Variants in SLC35A2 observed in about 807,000 individuals in gnomAD.
SLC35A2 encodes the protein solute carrier family 35 member A2, also known as UDP-galactose translocator.
A neutral mutation model predicts 17.3 loss-of-function variants in SLC35A2; 1 was observed. The observed-to-expected ratio is 0.06, with a 90% CI of 0.02 to 0.27. SLC35A2 has a LOEUF of 0.27. Among genes scored for constraint, SLC35A2 ranks in the 10% least tolerant of loss-of-function variants. The pLI, the probability that SLC35A2 is intolerant of heterozygous loss-of-function variation, is 1.00. For missense variants in SLC35A2, 191 were observed against 339.3 expected (o/e 0.56, Z 3.43); for synonymous variants, 161 against 161.3 (o/e 1.00, Z 0.01).
Position 48,907,507 on chromosome X carries a change from A to G in SLC35A2, c.275-964T>C, listed in dbSNP as rs782208540. 1.0e-3 allele frequency among the ~76,000 whole-genome samples: 116 copies of G among 111,457 alleles called. 1 individual carries two copies. The highest frequency in any genetic ancestry group is 1.0e-3 in the Non-Finnish European group (54 of 52,995). The stretch of plus-strand genomic sequence containing the variant: ...CGTGATCCGCCTACCTCGGCCTCCC[A>G]AAGTTCTGGGATTACAGGTGTAAGC... On this transcript the variant is annotated intron_variant, in intron 2 of 4. Transcript: ENST00000247138.
intron 2 of SLC35A2, among the ~76,000 whole-genome samples, chrX:48,907,200 C>T (rs992535246): frequency 1.8e-5 from 2 of 108,315 alleles, no homozygotes; most frequent in Non-Finnish European, 3.8e-5. Flanking sequence ...AAGAAATAAC[C>T]ATCATTAACT....
intron 2 of SLC35A2, among the ~76,000 whole-genome samples, chrX:48,908,433 G>A (rs1557043432): frequency 9.0e-6 from 1 of 110,960 alleles, no homozygotes; most frequent in African/African-American, 3.3e-5. Flanking sequence ...CATCTTTTAA[G>A]TCACAGCTGG....
At chrX:48,906,023 G>A (rs1031383170) in intron 3 of SLC35A2, 8 of 374,993 alleles carry the variant, frequency 2.1e-5, no homozygotes, top group African/African-American at 7.7e-5. Context: ...GTTAGGTGAC[G>A]TGCCCCAAAA....
Position 48,905,240 on chromosome X carries a change from G to A in SLC35A2, c.669C>T (p.Ile223=), listed in dbSNP as rs782366065. ...ACACGGAGCCTGAGCTGCCTTTGAG[G>A]ATCTTCTCAAAGTAGACACCTGCGA... ...SGFAGVYFEK[I]LKGSSGSVWL... The change falls in exon 4 of 5, where the codon ATC becomes ATT. Residue 223 remains isoleucine (I), a synonymous_variant. Transcript: ENST00000247138. 12 of 1,206,576 alleles carry A rather than the reference G, an allele frequency of 9.9e-6. No homozygotes were observed. The highest frequency in any genetic ancestry group is 1.2e-5 in the Non-Finnish European group (11 of 892,949).
At chrX:48,910,388 G>T in intron 1 of SLC35A2, 1 of 731,923 alleles carries the variant, frequency 1.4e-6, no homozygotes, top group Non-Finnish European at 1.9e-6. Context: ...CCTATCACTG[G>T]GTTAAGGGAT....
rs781919570 is a variant in SLC35A2, at chrX:48,909,806, G to A, written c.274+8C>T. On this transcript the variant is annotated splice_region_variant and intron_variant, in intron 2 of 4. Coordinates refer to ENST00000247138, the MANE Select transcript of SLC35A2 (RefSeq NM_005660.3). ...CGACCCCAGTGCAGCCCCATCCCTG[G>A]TTCGTACCCCTCTTCTGTGCGAAGA... 8.3e-7 allele frequency: 1 copy of A among 1,201,652 alleles called. No individual in the cohort carries two copies. Among genetic ancestry groups the A allele is most frequent in the Non-Finnish European group, 1.1e-6 (1 of 888,635 alleles).
intron 1 of SLC35A2, chrX:48,910,363 AGTGTTTACTGTATGCCTATCACTGG>A: frequency 1.1e-6 from 1 of 920,295 alleles, no homozygotes; most frequent in Admixed American, 3.2e-5. Context: ...ACGTTTATTG[AGTGTTTACTGTATGCCTATCACTGG>A]GTTAAGGGAT....
chrX:48,911,418 G>A, intron 1 of SLC35A2, 128 bp downstream of exon 1: 12 of 753,576 alleles, frequency 1.6e-5, no homozygotes, highest in Non-Finnish European at 2.1e-5. Flanking sequence ...CTGACAATGT[G>A]CACACACACA....
chrX:48,910,550 C>T (rs1171185732), intron 1 of SLC35A2, among the ~76,000 whole-genome samples: 5 of 111,342 alleles, frequency 4.5e-5, no homozygotes, highest in African/African-American at 6.5e-5. Context: ...CACATCAATG[C>T]AGGGAATGAG....
At chrX:48,911,739 G>T (rs1258246244), upstream of SLC35A2, 6 of 1,156,086 alleles carry the variant, frequency 5.2e-6, no homozygotes, top group Non-Finnish European at 6.9e-6. Context: ...CGAGAGCCGG[G>T]ATCGTCAGGG....
intron 4 of SLC35A2, 157 bp downstream of exon 4, chrX:48,904,589 C>T: frequency 8.3e-7 from 1 of 1,200,751 alleles, no homozygotes; most frequent in East Asian, 3.0e-5. Context: ...CTCCAGAAGT[C>T]TCAGTGACCT....
At chrX:48,904,685 C>A in intron 4 of SLC35A2, 61 bp downstream of exon 4, 1 of 1,210,083 alleles carries the variant, frequency 8.3e-7, no homozygotes, top group South Asian at 1.8e-5. Flanking sequence ...ACACCCTCCA[C>A]CCCAGTCCCC....
At position 48,910,060 on chromosome X, in the gene SLC35A2, C is replaced by T. The variant is rs1405966219; in HGVS notation, c.92-64G>A. ...CAGAAGCCGCTGGGGCATAGCCACA[C>T]CACCACCCACCCCCTTTCTTTCTCA... On this transcript the variant is annotated intron_variant, in intron 1 of 4. Transcript: ENST00000247138. 4 of 995,211 alleles carry T rather than the reference C, an allele frequency of 4.0e-6. No individual in the cohort carries two copies. In the African/African-American group the frequency reaches 7.5e-5, roughly 19 times the overall value. The allele number at this position is 995,211 out of a possible 1,213,427, so 82.0% of individuals were successfully genotyped here.
upstream of SLC35A2, chrX:48,911,801 G>A (rs1290221875): frequency 5.9e-5 from 69 of 1,166,504 alleles, no homozygotes; most frequent in Non-Finnish European, 7.8e-5. Context: ...ATAGCCCCGG[G>A]ATTTCCAAAT....
In SLC35A2 at chrX:48,904,217, C is replaced by T. The variant is rs143417168; in HGVS notation, c.1163+529G>A. The T allele has an allele frequency of 8.2e-4, 675 of 820,382 alleles. 1 individual carries two copies. The African/African-American group carries it at 0.014, about 17-fold the overall frequency. The allele number at this position is 820,382 out of a possible 1,213,427, so 67.6% of individuals were successfully genotyped here. A position where few individuals can be genotyped will look rare whatever the true frequency, so the allele number is the denominator to read the frequency against. On this transcript the variant is annotated intron_variant, in intron 4 of 4. Coordinates refer to ENST00000247138, the MANE Select transcript of SLC35A2 (RefSeq NM_005660.3). ...AGCTGGCCCAAGGCCACACAAAAGA[C>T]GGAACTAGTAACATGATCCAGAGCG...
chrX:48,904,494 G>C (rs1350297476), intron 4 of SLC35A2: 69 of 1,112,588 alleles, frequency 6.2e-5, no homozygotes, highest in Admixed American at 1.0e-4. Context: ...GGGAGCAGAG[G>C]CGGCAGCTCT....
At chrX:48,911,716 A>C, upstream of SLC35A2, 1 of 1,154,854 alleles carries the variant, frequency 8.7e-7, no homozygotes, top group Non-Finnish European at 1.2e-6. Context: ...GGGCCACCTG[A>C]GTGAAGGTGG....
At chrX:48,905,961 G>A in intron 3 of SLC35A2, 1 of 315,218 alleles carries the variant, frequency 3.2e-6, no homozygotes, top group Non-Finnish European at 5.5e-6. Context: ...ATTCTGAAGT[G>A]AGCACCACTG....
At chrX:48,906,162 C>T (rs1557043057) in intron 3 of SLC35A2, 1 of 450,242 alleles carries the variant, frequency 2.2e-6, no homozygotes, top group African/African-American at 2.5e-5. Flanking sequence ...CAATCAAGGG[C>T]TCTTCACAGG....
Sources: gnomAD v4.1 joint callset for allele counts (sites outside exome capture counted in the v4.1 genomes callset) on GRCh38, gnomAD v4.1.1 for gene constraint, MANE v1.5 for transcripts, NCBI Gene and HGNC (gene_info 2026-07-23, HGNC 2026-07-21) for gene names.